RYR3: variants seen among roughly 807,000 people sequenced by gnomAD.
RYR3 encodes brain ryanodine receptor-calcium release channel.
In RYR3, 207 loss-of-function variants were observed where a neutral mutation model predicts 584.3. That is an observed-to-expected ratio of 0.35 (90% confidence interval 0.32 to 0.40). The LOEUF (loss-of-function observed/expected upper bound fraction) is 0.40. RYR3 is among the 10% of genes least tolerant of loss of function. The pLI is 1.00. For missense variants in RYR3, 5,616 were observed against 6,089.2 expected (o/e 0.92, Z 2.59); for synonymous variants, 2,416 against 2,248.5 (o/e 1.07, Z -2.11).
intron 60 of RYR3, among the ~76,000 whole-genome samples, chr15:33,759,370 G>A (rs1404885528): frequency 5.9e-5 from 9 of 152,246 alleles, no homozygotes; most frequent in South Asian, 4.2e-4. Context: ...GCATGTTCTC[G>A]CCCAATGCAA....
At chr15:33,777,321 T>A (rs1235252489) in intron 64 of RYR3, among the ~76,000 whole-genome samples, 1 of 152,218 alleles carries the variant, frequency 6.6e-6, no homozygotes, top group Non-Finnish European at 1.5e-5. Context: ...GGAGCACTAA[T>A]GACCAGTGAG....
At chr15:33,821,124 A>G (rs1596802704) in intron 78 of RYR3, 146 bp from the exon 79 acceptor site, 1 of 649,440 alleles carries the variant, frequency 1.5e-6, no homozygotes. Context: ...TAGTGTCTGG[A>G]AATAAACTTC....
chr15:33,379,081 T>C (rs1456678557), intron 1 of RYR3, among the ~76,000 whole-genome samples: 1 of 152,142 alleles, frequency 6.6e-6, no homozygotes, highest in Non-Finnish European at 1.5e-5. Context: ...TACTTCCCCC[T>C]CTGAGTTTTG....
At chr15:33,554,333 T>C (rs4779620) in intron 10 of RYR3, among the ~76,000 whole-genome samples, 104,497 of 146,596 alleles carry the variant, frequency 0.71, 39,052 homozygotes, top group Middle Eastern at 0.86. Context: ...CTCGTTCTGT[T>C]GCCCAGGCTG....
At position 33,724,077 on chromosome 15, in the gene RYR3, C is replaced by T. The variant is rs778178137; in HGVS notation, c.6813C>T (p.Asp2271=). ...QGYKREVSTG[D]DEEEEEIVHM... ...TTGGTTCTCTCAGCAGCACGGGGGA[C>T]GATGAAGAGGAAGAAGAAATCGTGC... The change falls in exon 45 of 104, where the codon GAC becomes GAT. Residue 2271 remains aspartate (D), a synonymous_variant. Coordinates refer to ENST00000634891, the MANE Select transcript of RYR3 (RefSeq NM_001036.6). 10 of 1,605,602 alleles carry T rather than the reference C, an allele frequency of 6.2e-6. No homozygotes were observed. Among genetic ancestry groups the T allele is most frequent in the African/African-American group, 2.7e-5 (2 of 74,734 alleles).
chr15:33,638,531 G>C (rs1250166424), intron 27 of RYR3, among the ~76,000 whole-genome samples: 1 of 152,198 alleles, frequency 6.6e-6, no homozygotes, highest in African/African-American at 2.4e-5. Flanking sequence ...ACTTTGTAAA[G>C]TCCAAAGCCT....
At chr15:33,681,235 C>A (rs547655997) in intron 38 of RYR3, among the ~76,000 whole-genome samples, 5 of 152,224 alleles carry the variant, frequency 3.3e-5, no homozygotes, top group Non-Finnish European at 7.3e-5. Flanking sequence ...AGTTAACCAT[C>A]CTCAACCCAA....
chr15:33,359,798 T>G (rs1346174624), intron 1 of RYR3, among the ~76,000 whole-genome samples: 1 of 151,726 alleles, frequency 6.6e-6, no homozygotes, highest in Admixed American at 6.6e-5. Context: ...TTTTTTGTAT[T>G]TTTTAGTGGA....
At chr15:33,377,858 A>G (rs1169704720) in intron 1 of RYR3, among the ~76,000 whole-genome samples, 1 of 88,922 alleles carries the variant, frequency 1.1e-5, no homozygotes, top group Non-Finnish European at 2.3e-5. Flanking sequence ...CAGTGGTGCC[A>G]TCATGGCTCA....
At chr15:33,333,451 A>G (rs1970605505) in intron 1 of RYR3, among the ~76,000 whole-genome samples, 1 of 152,240 alleles carries the variant, frequency 6.6e-6, no homozygotes, top group South Asian at 2.1e-4. Context: ...AAACCACATG[A>G]TTATCTCAAT....
At chr15:33,415,576 G>A (rs192477005) in intron 1 of RYR3, among the ~76,000 whole-genome samples, 1 of 152,134 alleles carries the variant, frequency 6.6e-6, no homozygotes, top group Non-Finnish European at 1.5e-5. Flanking sequence ...TAGGAGAACA[G>A]AGGAGAAAGA....
At chr15:33,456,358 G>A (rs1345573433) in intron 1 of RYR3, among the ~76,000 whole-genome samples, 2 of 152,200 alleles carry the variant, frequency 1.3e-5, no homozygotes, top group East Asian at 3.9e-4. Flanking sequence ...TGTAGGCAGC[G>A]AGTGGGCAAG....
At chr15:33,644,637 C>A in intron 28 of RYR3, 118 bp downstream of exon 28, 1 of 702,408 alleles carries the variant, frequency 1.4e-6, no homozygotes, top group Non-Finnish European at 2.5e-6. Context: ...GGCCACTTAC[C>A]AGCCACCTCC....
At chr15:33,518,549 C>G (rs1388211506) in intron 3 of RYR3, among the ~76,000 whole-genome samples, 2 of 152,092 alleles carry the variant, frequency 1.3e-5, no homozygotes, top group Non-Finnish European at 2.9e-5. Flanking sequence ...TCTTGCAGCT[C>G]AAGGGAAGTC....
chr15:33,557,365 G>A (rs1261766330), intron 10 of RYR3, among the ~76,000 whole-genome samples: 3 of 152,128 alleles, frequency 2.0e-5, no homozygotes, highest in African/African-American at 7.2e-5. Flanking sequence ...GCAACTATTG[G>A]TTCTAGTTTC....
At chr15:33,667,480 A>G (rs2063548647) in intron 36 of RYR3, among the ~76,000 whole-genome samples, 1 of 152,200 alleles carries the variant, frequency 6.6e-6, no homozygotes, top group Non-Finnish European at 1.5e-5. Context: ...ATGTCACATT[A>G]CAGTGGTTAC....
intron 64 of RYR3, among the ~76,000 whole-genome samples, chr15:33,775,059 T>A (rs997094020): frequency 6.6e-6 from 1 of 151,318 alleles, no homozygotes; most frequent in Non-Finnish European, 1.5e-5. Flanking sequence ...AAAAGTCAAC[T>A]CTGAAGTGTC....
chr15:33,828,249 CCTT>C (rs1182923072), intron 85 of RYR3, among the ~76,000 whole-genome samples: 4 of 152,188 alleles, frequency 2.6e-5, no homozygotes, highest in Non-Finnish European at 5.9e-5. Context: ...CCATCTCCCT[CCTT>C]CTCCTCAGGC....
intron 1 of RYR3, among the ~76,000 whole-genome samples, chr15:33,349,373 T>C (rs1972901881): frequency 6.6e-6 from 1 of 152,176 alleles, no homozygotes; most frequent in African/African-American, 2.4e-5. Flanking sequence ...CCAAAGTGGC[T>C]GCACCATTTT....
Sources: gnomAD v4.1 joint callset for allele counts (sites outside exome capture counted in the v4.1 genomes callset) on GRCh38, gnomAD v4.1.1 for gene constraint, MANE v1.5 for transcripts, NCBI Gene and HGNC (gene_info 2026-07-23, HGNC 2026-07-21) for gene names.